The following OR7A17 variants were observed in gnomAD, a reference collection of about 807,000 sequenced individuals.
OR7A17 encodes the protein olfactory receptor 7A17.
For missense variants in OR7A17, 366 were observed against 365.5 expected (o/e 1.00, Z -0.01); for synonymous variants, 159 against 142.1 (o/e 1.12, Z -0.85).
Position 14,879,740 on chromosome 19 carries a change from A to T in OR7A17, c.*686T>A, listed in dbSNP as rs1229346945. 1.3e-5 allele frequency: 2 copies of T among 152,140 alleles called. No homozygotes were observed. The highest frequency in any genetic ancestry group is 4.8e-5 in the African/African-American group (2 of 41,412). 9.4% of individuals were successfully genotyped at this position (152,140 alleles called of 1,614,324 possible). On this transcript the variant is annotated 3_prime_UTR_variant, in exon 3 of 3. Transcript: ENST00000641113. ...GGAGTTCGAGACCAGCCTGGCCAAC[A>T]TGGTGAAACCCCTTCCCTACTAAAA...
chr19:14,883,577 T>C (rs10405237), intron 1 of OR7A17, among the ~76,000 whole-genome samples: 17,233 of 152,282 alleles, frequency 0.11, 1,103 homozygotes, highest in South Asian at 0.2. Context: ...TTTTACTTTG[T>C]CTTCTCTGTT....
At position 14,880,875 on chromosome 19, in the gene OR7A17, A is replaced by C. The variant is rs777917461; in HGVS notation, c.481T>G (p.Leu161Val). ...CAGAAGGACAGCCACAATACCATTA[A>C]GCTTTGTGACAAGGAATTCAGGGCA... ...IAALNSLSQS[L>V]MVLWLSFCTD... The change falls in exon 3 of 3, where the codon TTA becomes GTA. Residue 161 changes from leucine (L) to valine (V), a missense_variant. Coordinates refer to ENST00000641113, the MANE Select transcript of OR7A17 (RefSeq NM_030901.2). 1.2e-5 allele frequency: 19 copies of C among 1,614,086 alleles called. No individual in the cohort carries two copies. In the African/African-American group the frequency reaches 2.5e-4, roughly 22 times the overall value.
At position 14,880,325 on chromosome 19, in the gene OR7A17, A is replaced by T. The variant is rs2045100797; in HGVS notation, c.*101T>A. 2.1e-6 allele frequency: 2 copies of T among 939,676 alleles called. No homozygotes were observed. The highest frequency in any genetic ancestry group is 6.0e-5 in the Admixed American group (2 of 33,084). 58.2% of individuals were successfully genotyped at this position (939,676 alleles called of 1,614,324 possible). On this transcript the variant is annotated 3_prime_UTR_variant, in exon 3 of 3. Coordinates refer to ENST00000641113, the MANE Select transcript of OR7A17 (RefSeq NM_030901.2). ...AATTGAAACTCTGAGAAAAAATAGA[A>T]GGAGCAAATTCCACTTTCACAACCT...
intron 1 of OR7A17, among the ~76,000 whole-genome samples, chr19:14,882,446 C>T (rs1438350031): frequency 6.6e-6 from 1 of 152,200 alleles, no homozygotes; most frequent in Non-Finnish European, 1.5e-5. Context: ...GGAAGGAAGG[C>T]TCAGTGGAAG....
intron 1 of OR7A17, among the ~76,000 whole-genome samples, chr19:14,882,221 A>G (rs1355733556): frequency 6.6e-6 from 1 of 152,220 alleles, no homozygotes; most frequent in Non-Finnish European, 1.5e-5. Flanking sequence ...TAATGAGTCA[A>G]TGGTGCTATA....
rs1381663933 is a variant in OR7A17, at chr19:14,878,571, T to C, written c.*1855A>G. 1 of 152,224 alleles carries C rather than the reference T, an allele frequency of 6.6e-6. No individual in the cohort carries two copies. The highest frequency in any genetic ancestry group is 1.5e-5 in the Non-Finnish European group (1 of 68,034). The allele number at this position is 152,224 out of a possible 1,614,324, so 9.4% of individuals were successfully genotyped here. ...TGATATAATGAAATTACATAGACTG[T>C]GATTCCAAATCCTTCCCTTGGACTA... On this transcript the variant is annotated 3_prime_UTR_variant, in exon 3 of 3. Coordinates refer to ENST00000641113, the MANE Select transcript of OR7A17 (RefSeq NM_030901.2).
chr19:14,882,825 A>G (rs1242918820), intron 1 of OR7A17, among the ~76,000 whole-genome samples: 1 of 152,020 alleles, frequency 6.6e-6, no homozygotes, highest in Non-Finnish European at 1.5e-5. Flanking sequence ...ACACACACAC[A>G]TTGCCTACAT....
At position 14,880,435 on chromosome 19, in the gene OR7A17, T is replaced by C; in HGVS notation, c.921A>G (p.Gly307=). 6.3e-7 allele frequency: 1 copy of C among 1,583,556 alleles called. No homozygotes were observed. Among genetic ancestry groups the C allele is most frequent in the Non-Finnish European group, 8.6e-7 (1 of 1,165,626 alleles). The change falls in exon 3 of 3, where the codon GGA becomes GGG. Residue 307 remains glycine (G), a synonymous_variant. Transcript: ENST00000641113. The stretch of plus-strand genomic sequence containing the variant: ...TTGAAAAATGGCCCTTTTATTGCTT[T>C]CCTCTGAAGGACATTTTCAGAGCCC... ...IKRALKMSFR[G]KQ
rs60445901 is a variant in OR7A17 at position 14,881,366 on chromosome 19, CTATTTATT to C, written c.-19_-12del. 20,815 of 1,017,502 alleles carry C rather than the reference CTATTTATT, an allele frequency of 0.02. 341 individuals are homozygous for C. The highest frequency in any genetic ancestry group is 0.049 in the Admixed American group (1,236 of 25,336). The allele number at this position is 1,017,502 out of a possible 1,614,324, so 63.0% of individuals were successfully genotyped here. On this transcript the variant is annotated 5_prime_UTR_variant, in exon 3 of 3. Coordinates refer to ENST00000641113, the MANE Select transcript of OR7A17 (RefSeq NM_030901.2). ...ATTCTCTGGTTCCATCTTTTTTTTTCTATTTATTTATTTATTTATTTATTTATTTATTT... is the reference window on the plus strand; with the variant it reads ...ATTCTCTGGTTCCATCTTTTTTTTTCTATTTATTTATTTATTTATTTATTT...
chr19:14,879,272 T>C lies in OR7A17; in HGVS notation c.*1154A>G, dbSNP rs2045093985. ...GTGTGAATTTGATAGGCAATTTTTT[T>C]TTTTTTGAGATGGAGTTTCGCTCTT... On this transcript the variant is annotated 3_prime_UTR_variant, in exon 3 of 3. Coordinates refer to ENST00000641113, the MANE Select transcript of OR7A17 (RefSeq NM_030901.2). 3 of 152,220 alleles carry C rather than the reference T, an allele frequency of 2.0e-5. No homozygotes were observed. The highest frequency in any genetic ancestry group is 1.3e-4 in the Admixed American group (2 of 15,288). The allele number at this position is 152,220 out of a possible 1,614,324, so 9.4% of individuals were successfully genotyped here.
At chr19:14,883,302 T>G (rs10425677) in intron 1 of OR7A17, among the ~76,000 whole-genome samples, 17,469 of 152,202 alleles carry the variant, frequency 0.11, 1,121 homozygotes, top group South Asian at 0.2. Context: ...TAGCCAGGTG[T>G]GGAGGCAGGT....
In OR7A17 at chr19:14,881,169, G is replaced by A; in HGVS notation, c.187C>T (p.Leu63Phe). The A allele has an allele frequency of 6.2e-7, 1 of 1,614,124 alleles. No individual in the cohort carries two copies. Among genetic ancestry groups the A allele is most frequent in the Non-Finnish European group, 8.5e-7 (1 of 1,180,008 alleles). Reference sequence around the variant, plus strand: ...ATGTCTGCAAAGGACAGGTTGGAGAGGAAGAAGTACATGGGGGTGTGGAGG... The same window carrying A: ...ATGTCTGCAAAGGACAGGTTGGAGAAGAAGAAGTACATGGGGGTGTGGAGG... ...SHLHTPMYFFLSNLSFADICF... is the reference protein window; with the variant it reads ...SHLHTPMYFFFSNLSFADICF... Residue 63 changes from leucine (L) to phenylalanine (F), a missense_variant, in exon 3 of 3, where the codon CTC (leucine) becomes TTC (phenylalanine). Transcript: ENST00000641113.
chr19:14,882,657 G>A (rs2045117923), intron 1 of OR7A17, among the ~76,000 whole-genome samples: 1 of 152,248 alleles, frequency 6.6e-6, no homozygotes, highest in South Asian at 2.1e-4. Flanking sequence ...TAATTTGCCT[G>A]CGAAGGCATC....
rs748874726 is a variant in OR7A17, at chr19:14,881,199, A to G, written c.157T>C (p.Ser53Pro). 1.2e-6 allele frequency: 2 copies of G among 1,613,968 alleles called. No homozygotes were observed. The highest frequency in any genetic ancestry group is 1.3e-5 in the African/African-American group (1 of 74,956). Residue 53 changes from serine (S) to proline (P), a missense_variant, in exon 3 of 3, where the codon TCC (serine) becomes CCC (proline). Physicochemically the swap from Ser to Pro is moderately conservative, Grantham distance 74. Coordinates refer to ENST00000641113, the MANE Select transcript of OR7A17 (RefSeq NM_030901.2). The part of the protein sequence containing the change: ...LLIILATISD[S>P]HLHTPMYFFL... ...AAGTACATGGGGGTGTGGAGGTGGG[A>G]GTCTGAGATTGTGGCCAGGATGATG...
At position 14,878,389 on chromosome 19, in the gene OR7A17, A is replaced by T. The variant is rs1264175480; in HGVS notation, c.*2037T>A. On this transcript the variant is annotated 3_prime_UTR_variant, in exon 3 of 3. Coordinates refer to ENST00000641113, the MANE Select transcript of OR7A17 (RefSeq NM_030901.2). The stretch of plus-strand genomic sequence containing the variant: ...TGAAGAGAGTTAGAGTATAAAAGAG[A>T]CAAATGAACTGATGATAAGTTAAAT... The T allele has an allele frequency of 6.6e-6, 1 of 152,224 alleles. No homozygotes were observed. The highest frequency in any genetic ancestry group is 2.4e-5 in the African/African-American group (1 of 41,450). The allele number at this position is 152,224 out of a possible 1,614,324, so 9.4% of individuals were successfully genotyped here.
Position 14,880,271 on chromosome 19 carries a change from T to C in OR7A17, c.*155A>G, listed in dbSNP as rs2045100538. On this transcript the variant is annotated 3_prime_UTR_variant, in exon 3 of 3. Coordinates refer to ENST00000641113, the MANE Select transcript of OR7A17 (RefSeq NM_030901.2). ...GCGGAAAGCTTTATAAAGGAATACA[T>C]TAAATTCTATGTCAGTTGAGATCAA... 2.0e-6 allele frequency: 1 copy of C among 509,110 alleles called. No individual in the cohort carries two copies. The highest frequency in any genetic ancestry group is 3.3e-6 in the Non-Finnish European group (1 of 302,170). The allele number at this position is 509,110 out of a possible 1,614,324, so 31.5% of individuals were successfully genotyped here. A position where few individuals can be genotyped will look rare whatever the true frequency, so the allele number is the denominator to read the frequency against.
Position 14,881,488 on chromosome 19 carries a change from A to T in OR7A17, c.-133T>A. 1.9e-6 allele frequency: 1 copy of T among 518,050 alleles called. No homozygotes were observed. The highest frequency in any genetic ancestry group is 8.5e-5 in the South Asian group (1 of 11,808). The allele number at this position is 518,050 out of a possible 1,614,324, so 32.1% of individuals were successfully genotyped here. On this transcript the variant is annotated 5_prime_UTR_variant, in exon 3 of 3. It introduces an in-frame stop codon into an upstream open reading frame of the 5' UTR. Transcript: ENST00000641113. ...ATGCGATCCTCCCACTTCAGCCTAC[A>T]AAAGTGCTGAGATTATAGGCATAAG...
intron 1 of OR7A17, chr19:14,884,827 A>C (rs1383916117): frequency 1.3e-5 from 2 of 152,100 alleles, no homozygotes; most frequent in African/African-American, 2.4e-5. Context: ...ACAAAAAAAG[A>C]GAAAATTTCA....
chr19:14,880,441 G>A lies in OR7A17; in HGVS notation c.915C>T (p.Phe305=), dbSNP rs755442115. 7 of 1,601,054 alleles carry A rather than the reference G, an allele frequency of 4.4e-6. No homozygotes were observed. The highest frequency in any genetic ancestry group is 1.7e-4 in the Middle Eastern group (1 of 6,000). The stretch of plus-strand genomic sequence containing the variant: ...AATGGCCCTTTTATTGCTTTCCTCT[G>A]AAGGACATTTTCAGAGCCCTCTTTA... ...KDIKRALKMS[F]RGKQ Residue 305 remains phenylalanine, a synonymous_variant, in exon 3 of 3, where the codon TTC becomes TTT. Coordinates refer to ENST00000641113, the MANE Select transcript of OR7A17 (RefSeq NM_030901.2).
Sources: gnomAD v4.1 joint callset for allele counts (sites outside exome capture counted in the v4.1 genomes callset) on GRCh38, gnomAD v4.1.1 for gene constraint, MANE v1.5 for transcripts, NCBI Gene and HGNC (gene_info 2026-07-23, HGNC 2026-07-21) for gene names.